Variants in PHB1 observed in about 807,000 individuals in gnomAD.
PHB1 encodes epididymis luminal protein 215.
At chr17:49,404,781 A>T in the PHB1 span, 2 of 582,136 alleles carry the variant, frequency 3.4e-6, no homozygotes, top group Admixed American at 6.0e-5. Flanking sequence ...AGGGAGGTGG[A>T]TAAAAAAGTA....
the PHB1 span, among the ~76,000 whole-genome samples, chr17:49,408,396 C>T: frequency 6.6e-6 from 1 of 152,190 alleles, no homozygotes; most frequent in African/African-American, 2.4e-5. Context: ...TCTAGAAACA[C>T]GACCCCTTCC....
At chr17:49,409,518 G>T in the PHB1 span, 9 of 1,394,438 alleles carry the variant, frequency 6.5e-6, no homozygotes, top group East Asian at 2.4e-5. Context: ...AAAAACCACT[G>T]TAGGAAAACA....
chr17:49,408,104 T>G, the PHB1 span, among the ~76,000 whole-genome samples: 1 of 152,210 alleles, frequency 6.6e-6, no homozygotes, highest in Non-Finnish European at 1.5e-5. Flanking sequence ...ACAGCCAAGG[T>G]GTTCAGGTTA....
the PHB1 span, chr17:49,409,531 T>C: frequency 7.3e-7 from 1 of 1,376,064 alleles, no homozygotes; most frequent in African/African-American, 1.5e-5. Context: ...GGAAAACAAG[T>C]GTTTTTTTTT....
At chr17:49,412,784 A>C in the PHB1 span, 1 of 169,192 alleles carries the variant, frequency 5.9e-6, no homozygotes, top group Non-Finnish European at 1.3e-5. Flanking sequence ...AGGTCACCCA[A>C]ACAGATCTGC....
chr17:49,405,067 C>G, the PHB1 span: 2 of 1,600,834 alleles, frequency 1.2e-6, no homozygotes, highest in East Asian at 4.5e-5. Flanking sequence ...AGAGCTGGTA[C>G]GCGATGTCCT....
At chr17:49,409,470 A>C in the PHB1 span, 1 of 1,613,938 alleles carries the variant, frequency 6.2e-7, no homozygotes, top group Non-Finnish European at 8.5e-7. Context: ...GACATTCTGT[A>C]AATCTTAGGG....
chr17:49,409,108 C>T, the PHB1 span: 1 of 1,613,954 alleles, frequency 6.2e-7, no homozygotes, highest in African/African-American at 1.3e-5. Flanking sequence ...CGCTCACCTG[C>T]CTGGAGACCA....
chr17:49,409,700 C>A, the PHB1 span, among the ~76,000 whole-genome samples: 2 of 151,906 alleles, frequency 1.3e-5, no homozygotes, highest in African/African-American at 2.4e-5. Flanking sequence ...CGCCGCCACA[C>A]CCAGCTGTTT....
chr17:49,413,277 T>C, the PHB1 span: 64 of 1,598,810 alleles, frequency 4.0e-5, no homozygotes, highest in Non-Finnish European at 5.4e-5. Flanking sequence ...TTCCTTCTGC[T>C]GGACCCTCTC....
chr17:49,412,025 T>G, the PHB1 span: 1 of 565,462 alleles, frequency 1.8e-6, no homozygotes, highest in Non-Finnish European at 3.1e-6. Flanking sequence ...TCACTTCCTG[T>G]TCCACATGTC....
At chr17:49,413,055 G>C in the PHB1 span, 1 of 699,526 alleles carries the variant, frequency 1.4e-6, no homozygotes. Flanking sequence ...CAGGAGGTGA[G>C]CCCTCTTGGC....
chr17:49,406,037 C>T, the PHB1 span, among the ~76,000 whole-genome samples: 2 of 152,174 alleles, frequency 1.3e-5, no homozygotes, highest in African/African-American at 4.8e-5. Context: ...CTGGGCCCTG[C>T]GTCTATTTGC....
the PHB1 span, chr17:49,406,754 C>T: frequency 6.2e-7 from 1 of 1,609,328 alleles, no homozygotes; most frequent in Non-Finnish European, 8.5e-7. Context: ...TGGTCGAAGG[C>T]TCACCTTTTC....
chr17:49,406,453 T>C, the PHB1 span, among the ~76,000 whole-genome samples: 1 of 152,260 alleles, frequency 6.6e-6, no homozygotes, highest in Admixed American at 6.5e-5. Context: ...TGGTTAAAAA[T>C]GACTTCTCAG....
the PHB1 span, chr17:49,405,249 G>A: frequency 1.4e-5 from 21 of 1,524,518 alleles, no homozygotes; most frequent in Middle Eastern, 1.7e-4. Context: ...TCAGGGCACC[G>A]CATGTCAGGC....
At chr17:49,404,543 G>T in the PHB1 span, 1 of 246,292 alleles carries the variant, frequency 4.1e-6, no homozygotes. Context: ...CCGCTGGGAA[G>T]ACGGAGGCCT....
the PHB1 span, chr17:49,412,338 T>C: frequency 6.4e-6 from 1 of 156,676 alleles, no homozygotes; most frequent in East Asian, 1.9e-4. Flanking sequence ...AGAGCTGTCT[T>C]GGCACAGAGA....
chr17:49,405,035 T>C, the PHB1 span: 1 of 1,570,300 alleles, frequency 6.4e-7, no homozygotes, highest in Non-Finnish European at 8.6e-7. Context: ...CGCTGGCAGG[T>C]AGGTGATGTT....
Sources: gnomAD v4.1 joint callset for allele counts (sites outside exome capture counted in the v4.1 genomes callset) on GRCh38, gnomAD v4.1.1 for gene constraint, MANE v1.5 for transcripts, NCBI Gene and HGNC (gene_info 2026-07-23, HGNC 2026-07-21) for gene names.